PRKD1: variants seen among roughly 807,000 people sequenced by gnomAD.
The protein encoded by PRKD1 is serine/threonine-protein kinase D1.
PRKD1 carries 63 observed loss-of-function variants against 95.9 expected under a neutral mutation model. The ratio of observed to expected loss-of-function variants is 0.66; its 90% confidence interval spans 0.54 to 0.81. PRKD1 has a LOEUF of 0.81. Ranked by LOEUF, PRKD1 falls within the 30% of genes least tolerant of loss-of-function variation. The pLI is 0.00. For missense variants in PRKD1, 1,048 were observed against 1,165.3 expected (o/e 0.90, Z 1.47); for synonymous variants, 425 against 423.1 (o/e 1.00, Z -0.05).
chr14:29,663,225 TATCA>T lies in PRKD1; in HGVS notation c.696+470_696+473del, dbSNP rs1358259660. On this transcript the variant is annotated intron_variant, in intron 4 of 17. Transcript: ENST00000331968. ...TAAGTCCTATTTTTCTCACAGGACT[TATCA>T]ATCAGTTTTTGACAATAAGCTGGCA... Among the ~76,000 whole-genome samples the T allele has an allele frequency of 4.0e-5, 6 of 150,292 alleles. No individual in the cohort carries two copies. The East Asian group carries it at 1.2e-3, about 29-fold the overall frequency.
intron 1 of PRKD1, among the ~76,000 whole-genome samples, chr14:29,770,930 CAAAAAAAAAAA>C (rs753745571): frequency 1.1e-3 from 51 of 47,164 alleles, no homozygotes; most frequent in Admixed American, 6.3e-3. Context: ...AGACACTGTC[CAAAAAAAAAAA>C]AAAAAAAAAA....
At chr14:29,663,283 C>T (rs1285810520) in intron 4 of PRKD1, among the ~76,000 whole-genome samples, 1 of 151,516 alleles carries the variant, frequency 6.6e-6, no homozygotes, top group Non-Finnish European at 1.5e-5. Context: ...GCAATAAAGA[C>T]TTTCATGGTT....
At chr14:29,777,988 A>G (rs531568536) in intron 1 of PRKD1, among the ~76,000 whole-genome samples, 3 of 152,276 alleles carry the variant, frequency 2.0e-5, no homozygotes, top group East Asian at 3.9e-4. Flanking sequence ...GGATTAAGAA[A>G]CTCATTCAAA....
At chr14:29,729,049 T>C (rs1411271296) in intron 1 of PRKD1, among the ~76,000 whole-genome samples, 1 of 152,190 alleles carries the variant, frequency 6.6e-6, no homozygotes, top group Non-Finnish European at 1.5e-5. Context: ...CACTCTATCA[T>C]GTATTTCTTT....
intron 5 of PRKD1, 61 bp from the exon 6 acceptor site, chr14:29,638,627 C>G: frequency 6.2e-7 from 1 of 1,612,254 alleles, no homozygotes; most frequent in African/African-American, 1.3e-5. Context: ...AAAGTGGTAA[C>G]CAGAAAATAC....
chr14:29,580,394 T>C (rs968112197), intron 16 of PRKD1, among the ~76,000 whole-genome samples: 11 of 152,118 alleles, frequency 7.2e-5, no homozygotes, highest in African/African-American at 2.7e-4. Flanking sequence ...CAATGGCAAC[T>C]ACTTCCAAGA....
At chr14:29,894,999 C>T (rs1413677131) in intron 1 of PRKD1, among the ~76,000 whole-genome samples, 39 of 152,154 alleles carry the variant, frequency 2.6e-4, no homozygotes, top group Non-Finnish European at 5.9e-5. Context: ...AAACTGGTAA[C>T]TTTGAGAACT....
At chr14:29,774,340 C>T (rs1418784473) in intron 1 of PRKD1, among the ~76,000 whole-genome samples, 2 of 151,896 alleles carry the variant, frequency 1.3e-5, no homozygotes, top group Non-Finnish European at 1.5e-5. Flanking sequence ...CTCCTGAAAA[C>T]GTGTACATCA....
At chr14:29,827,538 G>A (rs1891246096) in intron 1 of PRKD1, among the ~76,000 whole-genome samples, 1 of 152,058 alleles carries the variant, frequency 6.6e-6, no homozygotes, top group African/African-American at 2.4e-5. Flanking sequence ...CAAAGTATGA[G>A]TCAAGGAATA....
chr14:29,924,422 GA>G (rs1174128060), intron 1 of PRKD1, among the ~76,000 whole-genome samples: 1 of 152,134 alleles, frequency 6.6e-6, no homozygotes, highest in Admixed American at 6.5e-5. Flanking sequence ...GTTTCTCAGG[GA>G]AACTTATGCA....
chr14:29,676,183 G>GTTTTTTTTTTTTTTTTTTTTTTTTTTTTT (rs34953735), intron 2 of PRKD1, among the ~76,000 whole-genome samples: 1 of 67,450 alleles, frequency 1.5e-5, no homozygotes, highest in Non-Finnish European at 2.8e-5. Flanking sequence ...TTACGTTTTT[G>GTTTTTTTTTTTTTTTTTTTTTTTTTTTTT]TTTTTTTTTT....
intron 1 of PRKD1, among the ~76,000 whole-genome samples, chr14:29,750,896 T>C (rs1036829163): frequency 3.3e-5 from 5 of 152,214 alleles, no homozygotes; most frequent in Non-Finnish European, 5.9e-5. Flanking sequence ...TTTAAAAATA[T>C]GTATATTCCC....
At chr14:29,753,920 C>T (rs1005864058) in intron 1 of PRKD1, among the ~76,000 whole-genome samples, 2 of 152,100 alleles carry the variant, frequency 1.3e-5, no homozygotes, top group Non-Finnish European at 2.9e-5. Context: ...CCTTACGTAC[C>T]TGTGTGAGAA....
At chr14:29,616,601 C>A (rs1221987426) in intron 13 of PRKD1, among the ~76,000 whole-genome samples, 1 of 151,874 alleles carries the variant, frequency 6.6e-6, no homozygotes, top group East Asian at 1.9e-4. Flanking sequence ...ACACTACCAA[C>A]CGACTTAATT....
chr14:29,717,832 C>T (rs1039954967), intron 2 of PRKD1, among the ~76,000 whole-genome samples: 1 of 152,060 alleles, frequency 6.6e-6, no homozygotes, highest in African/African-American at 2.4e-5. Flanking sequence ...GTCTTATTCC[C>T]CAGTTGACCT....
At chr14:29,747,144 A>G (rs1887262694) in intron 1 of PRKD1, among the ~76,000 whole-genome samples, 1 of 152,204 alleles carries the variant, frequency 6.6e-6, no homozygotes, top group Admixed American at 6.5e-5. Context: ...TGTGATAAGT[A>G]CACATTATAT....
At chr14:29,711,789 G>A (rs1885346254) in intron 2 of PRKD1, among the ~76,000 whole-genome samples, 1 of 152,100 alleles carries the variant, frequency 6.6e-6, no homozygotes, top group African/African-American at 2.4e-5. Flanking sequence ...GGCCTATCAA[G>A]TAAATCTATT....
intron 1 of PRKD1, among the ~76,000 whole-genome samples, chr14:29,835,377 C>T (rs1891572821): frequency 6.6e-6 from 1 of 152,058 alleles, no homozygotes; most frequent in East Asian, 1.9e-4. Flanking sequence ...CTTGTAAGTA[C>T]ATAGTACACT....
intron 1 of PRKD1, among the ~76,000 whole-genome samples, chr14:29,826,816 CATATATATATATAT>C (rs1173701577): frequency 3.2e-5 from 1 of 31,160 alleles, no homozygotes; most frequent in Admixed American, 5.5e-4. Context: ...TATATATACA[CATATATATATATAT>C]ATATATATAC....
Sources: gnomAD v4.1 joint callset for allele counts (sites outside exome capture counted in the v4.1 genomes callset) on GRCh38, gnomAD v4.1.1 for gene constraint, MANE v1.5 for transcripts, NCBI Gene and HGNC (gene_info 2026-07-23, HGNC 2026-07-21) for gene names.